Variants in ITGB4 observed in about 807,000 individuals in gnomAD.
The protein encoded by ITGB4 is integrin subunit beta 4.
ITGB4 carries 159 observed loss-of-function variants against 207.6 expected under a neutral mutation model. That is an observed-to-expected ratio of 0.77 (90% CI 0.67 to 0.87). The LOEUF is 0.87. ITGB4 is among the 40% of genes least tolerant of loss of function. The probability of loss-of-function intolerance (pLI) is 0.00; values close to 1 mark genes in which losing one functional copy is unlikely to be tolerated. For synonymous variants in ITGB4, 1,020 were observed against 1,062.7 expected (o/e 0.96, Z 0.78); for missense variants, 2,278 against 2,546.8 (o/e 0.89, Z 2.27).
At position 75,750,529 on chromosome 17, in the gene ITGB4, A is replaced by G. The variant is rs2061343630; in HGVS notation, c.3475-151A>G. 6.0e-6 allele frequency: 5 copies of G among 831,804 alleles called. No individual in the cohort carries two copies. The highest frequency in any genetic ancestry group is 7.8e-6 in the Non-Finnish European group (4 of 513,254). 51.5% of individuals were successfully genotyped at this position (831,804 alleles called of 1,614,324 possible). ...GAGATACCCCCACCTGCTCTGCCCT[A>G]GTCCTGACGTGTGCACATGGCAGAT... On this transcript the variant is annotated intron_variant, in intron 28 of 39. Transcript: ENST00000200181. The surrounding 1 kb of genome is among the most constrained non-coding windows in gnomAD (Gnocchi z 5.5).
chr17:75,731,169 T>A lies in ITGB4; in HGVS notation c.1093-77T>A. ...GCAGGCTCTGTGATACCCCGCATGA[T>A]GCCAGCCACACTTGGAGGTTGGGGT... On this transcript the variant is annotated intron_variant, in intron 9 of 39. Transcript: ENST00000200181. The surrounding 1 kb of genome is among the most constrained non-coding windows in gnomAD (Gnocchi z 6.8). The A allele has an allele frequency of 1.9e-6, 3 of 1,609,112 alleles. No homozygotes were observed. The highest frequency in any genetic ancestry group is 2.5e-6 in the Non-Finnish European group (3 of 1,177,416).
Position 75,748,929 on chromosome 17 carries a change from T to C in ITGB4, c.3200T>C (p.Val1067Ala). The C allele has an allele frequency of 6.2e-7, 1 of 1,613,222 alleles. No homozygotes were observed. Among genetic ancestry groups the C allele is most frequent in the South Asian group, 1.1e-5 (1 of 91,038 alleles). ...LQVKLLELQE[V>A]DSLLRGRQVR... is the part of the protein sequence containing the mutation. Reference sequence around the variant, plus strand: ...GTGAAGCTCCTGGAGCTGCAAGAAGTTGACTCCCTCCTGCGGGGCCGCCAG... The same window carrying C: ...GTGAAGCTCCTGGAGCTGCAAGAAGCTGACTCCCTCCTGCGGGGCCGCCAG... The change falls in exon 27 of 40, where the codon GTT (valine) becomes GCT (alanine). Residue 1067 changes from valine to alanine, a missense_variant. Transcript: ENST00000200181.
intron 13 of ITGB4, among the ~76,000 whole-genome samples, chr17:75,735,395 T>A (rs1451365832): frequency 6.7e-6 from 1 of 149,180 alleles, no homozygotes; most frequent in Non-Finnish European, 1.5e-5. Context: ...CTGACAGTTT[T>A]ATTTCTTTTT....
In ITGB4 at chr17:75,731,280, A is replaced by G; in HGVS notation, c.1127A>G (p.Asp376Gly). 1 of 1,613,488 alleles carries G rather than the reference A, an allele frequency of 6.2e-7. No individual in the cohort carries two copies. The highest frequency in any genetic ancestry group is 1.1e-5 in the South Asian group (1 of 91,084). The change falls in exon 10 of 40, where the codon GAC (aspartate) becomes GGC (glycine). Residue 376 changes from aspartate (D) to glycine (G), a missense_variant. Physicochemically the swap from Asp to Gly is moderately conservative, Grantham distance 94. Coordinates refer to ENST00000200181, the MANE Select transcript of ITGB4 (RefSeq NM_000213.5). The surrounding 1 kb of genome is among the most constrained non-coding windows in gnomAD (Gnocchi z 6.8). ...IRSNLDIRAL[D>G]SPRGLRTEVT... is the part of the protein sequence containing the mutation. ...TCCAACCTGGACATCCGGGCCCTAG[A>G]CAGCCCCCGAGGCCTTCGGACAGAG... is the stretch of plus-strand genomic sequence containing the variant.
At chr17:75,748,814 C>T in intron 26 of ITGB4, 27 bp from the exon 27 acceptor site, 1 of 1,570,144 alleles carries the variant, frequency 6.4e-7, no homozygotes, top group South Asian at 1.2e-5. Flanking sequence ...CAGCCATGAC[C>T]CTGACCCTGA....
intron 26 of ITGB4, 83 bp from the exon 27 acceptor site, chr17:75,748,758 A>G (rs987276768): frequency 5.0e-5 from 51 of 1,012,696 alleles, no homozygotes; most frequent in Non-Finnish European, 7.2e-5. Context: ...TGCAGTGTCC[A>G]TGAGGTTGGG....
In ITGB4 at chr17:75,729,466, A is replaced by G; in HGVS notation, c.738+30A>G. The G allele has an allele frequency of 1.9e-6, 3 of 1,609,584 alleles. No individual in the cohort carries two copies. The highest frequency in any genetic ancestry group is 2.5e-6 in the Non-Finnish European group (3 of 1,177,552). On this transcript the variant is annotated intron_variant, in intron 7 of 39. Coordinates refer to ENST00000200181, the MANE Select transcript of ITGB4 (RefSeq NM_000213.5). This position sits in a 1 kb window ranked among gnomAD's most constrained non-coding sequence, Gnocchi z 4.4. ...GCACTGGGAAGGGTGCTGCCAGCCT[A>G]GGCCAGGGGTGAGCACTTCTGGGCA...
At chr17:75,754,964 A>C in intron 34 of ITGB4, 149 bp downstream of exon 34, 2 of 1,524,046 alleles carry the variant, frequency 1.3e-6, no homozygotes, top group Non-Finnish European at 1.8e-6. Context: ...GTGCACACGC[A>C]TGCACACATG....
At chr17:75,728,346 G>C (rs557899986) in intron 5 of ITGB4, 31 bp from the exon 6 acceptor site, 127 of 1,601,834 alleles carry the variant, frequency 7.9e-5, no homozygotes, top group Non-Finnish European at 1.1e-4. Flanking sequence ...TCAGGGCTCA[G>C]CTATCCCCTC....
chr17:75,737,745 C>T, intron 18 of ITGB4, 101 bp downstream of exon 18: 2 of 1,011,808 alleles, frequency 2.0e-6, no homozygotes, highest in Non-Finnish European at 3.0e-6. Flanking sequence ...CCTGAGTTCT[C>T]ATCTCCCCAG....
chr17:75,750,016 G>A lies in ITGB4; in HGVS notation c.3317-95G>A, dbSNP rs1362032881. On this transcript the variant is annotated intron_variant, in intron 27 of 39. Coordinates refer to ENST00000200181, the MANE Select transcript of ITGB4 (RefSeq NM_000213.5). This position sits in a 1 kb window ranked among gnomAD's most constrained non-coding sequence, Gnocchi z 5.5. ...TGGGCAGGTCTGAGTTGAATGCGCT[G>A]GGTAGAGCGCCCTGGGTGTTGAAGT... The A allele has an allele frequency of 2.7e-6, 4 of 1,506,098 alleles. No individual in the cohort carries two copies. Among genetic ancestry groups the A allele is most frequent in the South Asian group, 1.1e-5 (1 of 88,620 alleles). The allele number at this position is 1,506,098 out of a possible 1,614,324, so 93.3% of individuals were successfully genotyped here.
At position 75,736,566 on chromosome 17, in the gene ITGB4, T is replaced by G; in HGVS notation, c.1862T>G (p.Ile621Ser). 1 of 1,598,462 alleles carries G rather than the reference T, an allele frequency of 6.3e-7. No homozygotes were observed. Among genetic ancestry groups the G allele is most frequent in the Non-Finnish European group, 8.5e-7 (1 of 1,173,092 alleles). Residue 621 changes from isoleucine to serine, a missense_variant and splice_region_variant, in exon 16 of 40, where the codon ATC (isoleucine) becomes AGC (serine). Transcript: ENST00000200181. Reference sequence around the variant, plus strand: ...TCTGCCCCGCCTTTCCCCGCCAAGATCCACCCGGGCCTCTGCGAGGACCTA... The same window carrying G: ...TCTGCCCCGCCTTTCCCCGCCAAGAGCCACCCGGGCCTCTGCGAGGACCTA... ...DTICEINYSA[I>S]HPGLCEDLRS...
chr17:75,727,392 CCTT>C lies in ITGB4; in HGVS notation c.163-9_163-7del, dbSNP rs2060743234. On this transcript the variant is annotated splice_polypyrimidine_tract_variant and intron_variant, in intron 3 of 39. Transcript: ENST00000200181. The surrounding 1 kb of genome is among the most constrained non-coding windows in gnomAD (Gnocchi z 6.0). ...GGTGCTGCCCCCAGTGACCCCCTGT[CCTT>C]CTGGCCAGATGTTCAGGGACCGGCG... 1 of 1,613,938 alleles carries C rather than the reference CCTT, an allele frequency of 6.2e-7. No homozygotes were observed. Among genetic ancestry groups the C allele is most frequent in the South Asian group, 1.1e-5 (1 of 91,086 alleles).
rs2061094399 is a variant in ITGB4, at chr17:75,740,918, C to T, written c.2610-64C>T. ...TACCGGGACTCCAGGAGCCGAAGCC[C>T]CCAGGCCGATCAGGCCTCCACTTCA... On this transcript the variant is annotated intron_variant, in intron 22 of 39. Coordinates refer to ENST00000200181, the MANE Select transcript of ITGB4 (RefSeq NM_000213.5). The surrounding 1 kb of genome is among the most constrained non-coding windows in gnomAD (Gnocchi z 5.9). 3 of 1,613,536 alleles carry T rather than the reference C, an allele frequency of 1.9e-6. No homozygotes were observed. Among genetic ancestry groups the T allele is most frequent in the South Asian group, 1.1e-5 (1 of 91,076 alleles).
intron 2 of ITGB4, among the ~76,000 whole-genome samples, chr17:75,726,939 G>C (rs896310313): frequency 6.6e-6 from 1 of 152,118 alleles, no homozygotes; most frequent in Non-Finnish European, 1.5e-5. Context: ...CGGGCGTGGT[G>C]GCGGGCGCCT....
chr17:75,752,669 A>G, intron 32 of ITGB4, 92 bp downstream of exon 32: 1 of 1,516,106 alleles, frequency 6.6e-7, no homozygotes, highest in Middle Eastern at 1.7e-4. Context: ...GGGGCCAGCA[A>G]CTAGAGGACA....
chr17:75,721,908 C>T (rs1279515551), intron 1 of ITGB4, among the ~76,000 whole-genome samples: 1 of 152,162 alleles, frequency 6.6e-6, no homozygotes, highest in Non-Finnish European at 1.5e-5. Context: ...GGCTGGGCCC[C>T]TCCAGGGTTT....
Position 75,732,029 on chromosome 17 carries a change from C to T in ITGB4, c.1377+56C>T, listed in dbSNP as rs1036755947. The T allele has an allele frequency of 5.0e-5, 81 of 1,612,634 alleles. No individual in the cohort carries two copies. The highest frequency in any genetic ancestry group is 6.8e-5 in the Non-Finnish European group (80 of 1,179,150). ...AGAGCTGAGCCAAGCACCCAGGGAC[C>T]CTGAGGAATGAAGCAGGACTCCTGT... On this transcript the variant is annotated intron_variant, in intron 11 of 39. Coordinates refer to ENST00000200181, the MANE Select transcript of ITGB4 (RefSeq NM_000213.5). The surrounding 1 kb of genome is among the most constrained non-coding windows in gnomAD (Gnocchi z 5.3).
chr17:75,744,007 A>G, intron 26 of ITGB4, 146 bp downstream of exon 26: 1 of 880,078 alleles, frequency 1.1e-6, no homozygotes, highest in East Asian at 2.7e-5. Flanking sequence ...GGACACGTCC[A>G]CCTGCTCCTG....
Sources: allele counts gnomAD v4.1 joint callset (sites outside exome capture counted in the v4.1 genomes callset), GRCh38; gene constraint gnomAD v4.1.1; non-coding constraint Gnocchi (gnomAD v3.1); transcripts MANE v1.5; gene names NCBI Gene and HGNC (gene_info 2026-07-23, HGNC 2026-07-21).